The following SBF2 variants were observed in gnomAD, a reference collection of about 807,000 sequenced individuals.
The protein encoded by SBF2 is SET binding factor 2.
Under a neutral mutation model 225.2 loss-of-function variants are expected in SBF2, and 112 were observed. The observed-to-expected ratio is 0.50, with a 90% confidence interval of 0.43 to 0.58. SBF2 has a LOEUF of 0.58. Ranked by LOEUF, SBF2 falls within the 20% of genes least tolerant of loss-of-function variation. The pLI, the probability that SBF2 is intolerant of heterozygous loss-of-function variation, is 0.00. For synonymous variants in SBF2, 763 were observed against 773.3 expected (o/e 0.99, Z 0.22); for missense variants, 1,996 against 2,206.2 (o/e 0.90, Z 1.91).
intron 1 of SBF2, 145 bp downstream of exon 1, chr11:10,293,870 G>A (rs1964336016): frequency 6.0e-6 from 3 of 503,388 alleles, no homozygotes; most frequent in Non-Finnish European, 9.0e-6. Flanking sequence ...GCCCAGCCGA[G>A]AAGGCCGGAC....
intron 16 of SBF2, among the ~76,000 whole-genome samples, chr11:9,935,550 C>T (rs960768491): frequency 6.6e-6 from 1 of 152,198 alleles, no homozygotes; most frequent in African/African-American, 2.4e-5. Context: ...TACCTGACTT[C>T]AAACTATACT....
intron 28 of SBF2, among the ~76,000 whole-genome samples, chr11:9,817,476 G>T (rs1382291596): frequency 6.6e-6 from 1 of 152,116 alleles, no homozygotes; most frequent in Non-Finnish European, 1.5e-5. Context: ...GACATTTAAA[G>T]ATATGAAATA....
At chr11:10,055,244 G>T (rs765346057) in intron 2 of SBF2, among the ~76,000 whole-genome samples, 3 of 152,064 alleles carry the variant, frequency 2.0e-5, no homozygotes, top group Non-Finnish European at 2.9e-5. Flanking sequence ...AAAGATGTTG[G>T]CATGGATGTG....
intron 1 of SBF2, among the ~76,000 whole-genome samples, chr11:10,276,533 C>G (rs1962971413): frequency 6.6e-6 from 1 of 152,230 alleles, no homozygotes; most frequent in South Asian, 2.1e-4. Flanking sequence ...TTTGCCACTA[C>G]TCATCTCCAC....
chr11:10,232,365 G>C (rs1591273487), intron 1 of SBF2, among the ~76,000 whole-genome samples: 1 of 152,078 alleles, frequency 6.6e-6, no homozygotes, highest in East Asian at 1.9e-4. Context: ...TACCTCAGTT[G>C]GAAATGCATA....
intron 2 of SBF2, among the ~76,000 whole-genome samples, chr11:10,155,534 T>C (rs1955432337): frequency 6.6e-6 from 1 of 152,214 alleles, no homozygotes; most frequent in Non-Finnish European, 1.5e-5. Flanking sequence ...GTTTATAGTC[T>C]AGAACTTTAT....
intron 2 of SBF2, among the ~76,000 whole-genome samples, chr11:10,102,087 T>C (rs1332428437): frequency 6.6e-6 from 1 of 152,234 alleles, no homozygotes; most frequent in African/African-American, 2.4e-5. Context: ...TAAAGACTAC[T>C]GGTAAAATTA....
intron 13 of SBF2, among the ~76,000 whole-genome samples, chr11:9,982,782 A>G (rs1454483967): frequency 6.6e-6 from 1 of 152,242 alleles, no homozygotes; most frequent in African/African-American, 2.4e-5. Flanking sequence ...TAAGTGGGAA[A>G]GGGAGACCCT....
At chr11:9,813,760 G>T (rs981597005) in intron 29 of SBF2, among the ~76,000 whole-genome samples, 1 of 152,030 alleles carries the variant, frequency 6.6e-6, no homozygotes, top group African/African-American at 2.4e-5. Flanking sequence ...TGGCCAACAC[G>T]GTGAAATCCC....
chr11:9,868,953 A>T (rs1172937583), intron 17 of SBF2, among the ~76,000 whole-genome samples: 1 of 152,172 alleles, frequency 6.6e-6, no homozygotes, highest in Non-Finnish European at 1.5e-5. Flanking sequence ...CAATGCCCAG[A>T]TTTGTTAATA....
chr11:10,248,569 A>T (rs1036192381), intron 1 of SBF2, among the ~76,000 whole-genome samples: 6 of 152,236 alleles, frequency 3.9e-5, no homozygotes, highest in Non-Finnish European at 5.9e-5. Context: ...TTTTTCACCA[A>T]AAGTAAAAAT....
intron 16 of SBF2, among the ~76,000 whole-genome samples, chr11:9,903,690 A>C (rs1297305140): frequency 6.6e-6 from 1 of 152,190 alleles, no homozygotes; most frequent in East Asian, 1.9e-4. Flanking sequence ...CTAGGACTTT[A>C]TTTATACGCT....
In SBF2 at chr11:9,812,560, G is replaced by A. The variant is rs922840746; in HGVS notation, c.4127C>T (p.Ala1376Val). The A allele has an allele frequency of 1.5e-5, 25 of 1,614,060 alleles. No individual in the cohort carries two copies. Among genetic ancestry groups the A allele is most frequent in the Non-Finnish European group, 1.9e-5 (23 of 1,180,042 alleles). Residue 1376 changes from alanine to valine, a missense_variant, in exon 30 of 40, where the codon GCG (alanine) becomes GTG (valine). Ala to Val is a moderately conservative substitution (Grantham distance 64). Transcript: ENST00000256190. ...PTDSEVTFLK[A>V]LGDSEWFPQL... is the part of the protein sequence containing the mutation. Reference sequence around the variant, plus strand: ...TGGGAACCACTCAGAATCTCCCAGCGCTTTCAGGAAGGTCACTTCTGAGTC... The same window carrying A: ...TGGGAACCACTCAGAATCTCCCAGCACTTTCAGGAAGGTCACTTCTGAGTC...
intron 2 of SBF2, among the ~76,000 whole-genome samples, chr11:10,101,659 C>CTGTGTGTGTG (rs144213559): frequency 1.2e-3 from 171 of 148,156 alleles, no homozygotes; most frequent in East Asian, 5.4e-3. Flanking sequence ...CTCTCTCGCT[C>CTGTGTGTGTG]TGTGTGTGTG....
intron 1 of SBF2, among the ~76,000 whole-genome samples, chr11:10,269,695 G>C (rs1309224120): frequency 6.6e-6 from 1 of 152,162 alleles, no homozygotes; most frequent in Non-Finnish European, 1.5e-5. Flanking sequence ...TAAGTAACTT[G>C]TCTAAAGCCA....
intron 2 of SBF2, among the ~76,000 whole-genome samples, chr11:10,177,605 G>C (rs1252700696): frequency 6.7e-6 from 1 of 149,970 alleles, no homozygotes; most frequent in Non-Finnish European, 1.5e-5. Context: ...GCTTCAAAGA[G>C]AATAAAATAC....
intron 2 of SBF2, among the ~76,000 whole-genome samples, chr11:10,098,574 A>C (rs1952135477): frequency 6.6e-6 from 1 of 151,910 alleles, no homozygotes; most frequent in East Asian, 1.9e-4. Context: ...TTGCCTGACA[A>C]AGAACTCATA....
intron 21 of SBF2, 86 bp from the exon 22 acceptor site, chr11:9,850,304 A>G: frequency 1.1e-5 from 13 of 1,182,460 alleles, no homozygotes; most frequent in Non-Finnish European, 1.6e-5. Flanking sequence ...TGCCCAGCCT[A>G]GAATACAGTA....
intron 5 of SBF2, among the ~76,000 whole-genome samples, chr11:10,028,879 C>T (rs571716188): frequency 6.6e-6 from 1 of 152,138 alleles, no homozygotes; most frequent in South Asian, 2.1e-4. Context: ...AGTTTAGACC[C>T]ATCTGTGACC....
Sources: gnomAD v4.1 joint callset for allele counts (sites outside exome capture counted in the v4.1 genomes callset) on GRCh38, gnomAD v4.1.1 for gene constraint, MANE v1.5 for transcripts, NCBI Gene and HGNC (gene_info 2026-07-23, HGNC 2026-07-21) for gene names.